The following NEB variants were observed in gnomAD, a reference collection of about 807,000 sequenced individuals.
NEB encodes the protein nemaline myopathy type 2.
A neutral mutation model predicts 952.2 loss-of-function variants in NEB; 512 were observed. That is an observed-to-expected ratio of 0.54 (90% CI 0.50 to 0.58). The LOEUF (loss-of-function observed/expected upper bound fraction) is 0.58, where lower values mean the gene tolerates loss of function less well. NEB is among the 20% of genes least tolerant of loss of function. The pLI, the probability that NEB is intolerant of heterozygous loss-of-function variation, is 0.00. For synonymous variants in NEB, 2,900 were observed against 3,149.8 expected, an observed-to-expected ratio of 0.92 and a Z score of 2.66; for missense variants, 8,428 against 9,231.1, an observed-to-expected ratio of 0.91 and a Z score of 3.56.
intron 52 of NEB, among the ~76,000 whole-genome samples, chr2:151,652,593 G>A (rs1184289056): frequency 6.6e-6 from 1 of 151,932 alleles, no homozygotes; most frequent in East Asian, 1.9e-4. Context: ...ATGCTGAGTG[G>A]GAGATTAGAT....
chr2:151,524,926 A>AAT (rs1335732234), intron 151 of NEB, among the ~76,000 whole-genome samples: 2 of 152,046 alleles, frequency 1.3e-5, no homozygotes, highest in Admixed American at 6.6e-5. Flanking sequence ...TTGGGCTCCC[A>AAT]AAGTGCTGGG....
rs370999716 is a variant in NEB, at chr2:151,666,086, A to T, written c.5031+4T>A. On this transcript the variant is annotated splice_donor_region_variant and intron_variant, in intron 41 of 181. Transcript: ENST00000397345. ...TGGATAACAACTTGGTAACCAGTAC[A>T]TACATCACTCTGAATCTGCATGGCA... 6.2e-7 allele frequency: 1 copy of T among 1,609,430 alleles called. No individual in the cohort carries two copies. Among genetic ancestry groups the T allele is most frequent in the Non-Finnish European group, 8.5e-7 (1 of 1,177,016 alleles).
Position 151,677,882 on chromosome 2 carries a change from C to A in NEB, c.3561G>T (p.Gln1187His). ...LELSKNMMQIQSDNVYKEDYN... is the reference protein window; with the variant it reads ...LELSKNMMQIHSDNVYKEDYN... ...AGAAGTAAATGACACTTACATCACT[C>A]TGTATCTGCATCATGTTCTTAGACA... The change falls in exon 33 of 182, where the codon CAG (glutamine) becomes CAT (histidine). Residue 1187 changes from glutamine (Q) to histidine (H), a missense_variant. Transcript: ENST00000397345. 6.2e-7 allele frequency: 1 copy of A among 1,609,652 alleles called. No homozygotes were observed. The highest frequency in any genetic ancestry group is 8.5e-7 in the Non-Finnish European group (1 of 1,177,246).
At chr2:151,578,705 G>GGGAA (rs942311119) in intron 105 of NEB, among the ~76,000 whole-genome samples, 10 of 144,428 alleles carry the variant, frequency 6.9e-5, no homozygotes, top group Non-Finnish European at 1.2e-4. Flanking sequence ...GAGAGAAGGA[G>GGGAA]GGAAGGAAGG....
At position 151,717,461 on chromosome 2, in the gene NEB, A is replaced by G. The variant is rs1317652311; in HGVS notation, c.777T>C (p.Pro259=). 6.2e-7 allele frequency: 1 copy of G among 1,613,828 alleles called. No homozygotes were observed. Among genetic ancestry groups the G allele is most frequent in the East Asian group, 2.2e-5 (1 of 44,898 alleles). Residue 259 remains proline, a synonymous_variant, in exon 10 of 182, where the codon CCT becomes CCC. Coordinates refer to ENST00000397345, the MANE Select transcript of NEB (RefSeq NM_001164508.2). ...CTTTCTTGGCAAATTCTATATCTGG[A>G]GGATCAGCCAGAGGCGTGAATTGAG... ...QQAQFTPLAD[P]PDIEFAKKVT... is the part of the protein sequence containing the mutation.
rs1410121076 is a variant in NEB, at chr2:151,605,719, G to C, written c.12748-848C>G. On this transcript the variant is annotated intron_variant, in intron 84 of 181. Transcript: ENST00000397345. Reference sequence around the variant, plus strand: ...AACTGGCTACATGATGAAAATCAGAGAAGAACACAGAGAAAGGAACAAGGT... The same window carrying C: ...AACTGGCTACATGATGAAAATCAGACAAGAACACAGAGAAAGGAACAAGGT... 3.0e-5 allele frequency among the ~76,000 whole-genome samples: 3 copies of C among 99,252 alleles called. 1 individual carries two copies. The highest frequency in any genetic ancestry group is 7.7e-5 in the Non-Finnish European group (3 of 39,084). The allele number at this position is 99,252 out of a possible 152,430, so 65.1% of individuals were successfully genotyped here. A position where few individuals can be genotyped will look rare whatever the true frequency, so the allele number is the denominator to read the frequency against.
intron 65 of NEB, among the ~76,000 whole-genome samples, chr2:151,631,872 G>C (rs1289337857): frequency 1.3e-5 from 2 of 152,136 alleles, no homozygotes; most frequent in African/African-American, 2.4e-5. Flanking sequence ...CTAGTGGTTG[G>C]ATTGTTTTGG....
Position 151,519,037 on chromosome 2 carries a change from G to A in NEB, c.22623C>T (p.His7541=), listed in dbSNP as rs751787450. 2 of 1,613,558 alleles carry A rather than the reference G, an allele frequency of 1.2e-6. No individual in the cohort carries two copies. Among genetic ancestry groups the A allele is most frequent in the Admixed American group, 1.7e-5 (1 of 59,994 alleles). ...VKYKADLKKL[H]KPVTDMKESL... ...ACTCCTTCATGTCAGTCACGGGTTT[G>A]TGAAGTTTCTTCAGGTCAGCCTTGT... is the stretch of plus-strand genomic sequence containing the variant. Residue 7541 remains histidine, a synonymous_variant, in exon 155 of 182, where the codon CAC becomes CAT. Transcript: ENST00000397345.
chr2:151,628,473 G>A (rs577031998), intron 68 of NEB, among the ~76,000 whole-genome samples: 3 of 152,216 alleles, frequency 2.0e-5, no homozygotes, highest in Admixed American at 1.3e-4. Flanking sequence ...TGTTGGTGGT[G>A]GTAAGGGCAA....
At chr2:151,687,820 G>A (rs2099514772) in intron 25 of NEB, 87 bp from the exon 26 acceptor site, 1 of 1,191,822 alleles carries the variant, frequency 8.4e-7, no homozygotes, top group Non-Finnish European at 1.2e-6. Context: ...ATTTGTGTAT[G>A]TATAGACTTA....
Position 151,727,815 on chromosome 2 carries a change from A to ACC in NEB, c.169_170insGG (p.Leu57ArgfsTer27). On this transcript the variant is annotated frameshift_variant, in exon 5 of 182. Transcript: ENST00000397345. LOFTEE classifies it high-confidence loss of function. ...CGGCTTTGCTGATGCTGGCTGTGCC[A>ACC]GTGCTGGCTGTGCCAGAGCTGGTTT... The ACC allele has an allele frequency of 6.3e-7, 1 of 1,599,150 alleles. No individual in the cohort carries two copies. Among genetic ancestry groups the ACC allele is most frequent in the Non-Finnish European group, 8.5e-7 (1 of 1,173,998 alleles).
At chr2:151,509,659 C>T (rs888217542) in intron 161 of NEB, among the ~76,000 whole-genome samples, 2 of 151,842 alleles carry the variant, frequency 1.3e-5, no homozygotes, top group South Asian at 4.2e-4. Flanking sequence ...GGCGGAGTTT[C>T]GCAGTGTCTC....
intron 13 of NEB, 91 bp downstream of exon 13, chr2:151,706,790 A>G (rs1233684668): frequency 5.5e-6 from 5 of 912,334 alleles, no homozygotes; most frequent in Non-Finnish European, 8.5e-6. Context: ...ATGTATTTGC[A>G]AAGTTATATA....
At chr2:151,610,261 G>T in intron 80 of NEB, 141 bp from the exon 81 acceptor site, 1 of 735,310 alleles carries the variant, frequency 1.4e-6, no homozygotes, top group South Asian at 2.1e-5. Flanking sequence ...TAAAAGCAAT[G>T]TTTTATACTG....
chr2:151,494,669 AGAG>A (rs2058937809), intron 173 of NEB, among the ~76,000 whole-genome samples: 1 of 151,990 alleles, frequency 6.6e-6, no homozygotes, highest in South Asian at 2.1e-4. Flanking sequence ...TTTTTGAGAC[AGAG>A]GAGTCTTGCT....
chr2:151,624,880 T>C (rs556687790), intron 71 of NEB, among the ~76,000 whole-genome samples: 2 of 152,324 alleles, frequency 1.3e-5, no homozygotes, highest in South Asian at 4.1e-4. Context: ...ATGACAAGTT[T>C]AGCAAGGCTG....
chr2:151,547,539 G>GA lies in NEB; in HGVS notation c.20263-7dup, dbSNP rs763008896. On this transcript the variant is annotated splice_region_variant and splice_polypyrimidine_tract_variant and intron_variant, in intron 132 of 181. Coordinates refer to ENST00000397345, the MANE Select transcript of NEB (RefSeq NM_001164508.2). Reference sequence around the variant, plus strand: ...AAGTCTGATTTGTAGATCAACTAAAGAAAAAAAAATACCCCAAAACATATG... The same window carrying GA: ...AAGTCTGATTTGTAGATCAACTAAAGAAAAAAAAAATACCCCAAAACATATG... 777 of 1,573,452 alleles carry GA rather than the reference G, an allele frequency of 4.9e-4. No individual in the cohort carries two copies. Among genetic ancestry groups the GA allele is most frequent in the African/African-American group, 6.2e-4 (46 of 73,774 alleles).
Position 151,633,896 on chromosome 2 carries a change from G to A in NEB, c.9172C>T (p.Pro3058Ser). 6.2e-7 allele frequency: 1 copy of A among 1,613,936 alleles called. No individual in the cohort carries two copies. Among genetic ancestry groups the A allele is most frequent in the Non-Finnish European group, 8.5e-7 (1 of 1,179,870 alleles). The change falls in exon 65 of 182, where the codon CCC (proline) becomes TCC (serine). Residue 3058 changes from proline (P) to serine (S), a missense_variant. By Grantham distance (74) the Pro-to-Ser change is moderately conservative (BLOSUM62 -1). Coordinates refer to ENST00000397345, the MANE Select transcript of NEB (RefSeq NM_001164508.2). ...HIGARNIEDD[P>S]KMMWSMHVAK... ...ACGTGCATGGACCACATCATCTTGG[G>A]GTCATCTTCAATGTTCCGGGCTCCA...
chr2:151,497,984 C>T, intron 170 of NEB: 1 of 1,434,426 alleles, frequency 7.0e-7, no homozygotes, highest in Non-Finnish European at 9.1e-7. Context: ...GCCTCCTAAA[C>T]AATCACATGA....
Sources: allele counts gnomAD v4.1 joint callset (sites outside exome capture counted in the v4.1 genomes callset), GRCh38; gene constraint gnomAD v4.1.1; transcripts MANE v1.5; gene names NCBI Gene and HGNC (gene_info 2026-07-23, HGNC 2026-07-21).